The following SDK1 variants were observed in gnomAD, a reference collection of about 807,000 sequenced individuals.
SDK1 encodes sidekick cell adhesion molecule 1.
A neutral mutation model predicts 245.5 loss-of-function variants in SDK1; 157 were observed. That is an observed-to-expected ratio of 0.64 (90% CI 0.56 to 0.73). SDK1 has a LOEUF of 0.73. SDK1 is among the 30% of genes least tolerant of loss of function. The pLI is 0.00. For synonymous variants in SDK1, 1,647 were observed against 1,278.5 expected (o/e 1.29, Z -6.15); for missense variants, 3,583 against 3,002.3 (o/e 1.19, Z -4.52).
At chr7:4,103,013 T>C (rs998750060) in intron 22 of SDK1, among the ~76,000 whole-genome samples, 1 of 151,536 alleles carries the variant, frequency 6.6e-6, no homozygotes, top group African/African-American at 2.4e-5. Context: ...AGAGCTTTTT[T>C]TTTTGGAGAC....
intron 5 of SDK1, among the ~76,000 whole-genome samples, chr7:3,906,865 G>A (rs186274225): frequency 2.8e-3 from 425 of 152,046 alleles, no homozygotes; most frequent in Non-Finnish European, 5.2e-3. Flanking sequence ...CCTGAGCTCA[G>A]GCAATCCGCC....
Position 4,077,339 on chromosome 7 carries a change from T to C in SDK1, c.3202+150T>C. The stretch of plus-strand genomic sequence containing the variant: ...GCCAAGATGCTGGAGGGTAAATGGG[T>C]GTTGACCCCACTTCAGCCCCATTCT... On this transcript the variant is annotated intron_variant, in intron 21 of 44. Transcript: ENST00000404826. 7 of 715,258 alleles carry C rather than the reference T, an allele frequency of 9.8e-6. No homozygotes were observed. The South Asian group carries it at 1.2e-4, about 13-fold the overall frequency. 44.3% of individuals were successfully genotyped at this position (715,258 alleles called of 1,614,324 possible). A position where few individuals can be genotyped will look rare whatever the true frequency, so the allele number is the denominator to read the frequency against.
intron 5 of SDK1, among the ~76,000 whole-genome samples, chr7:3,880,390 C>A (rs1781177633): frequency 6.6e-6 from 1 of 152,128 alleles, no homozygotes; most frequent in Non-Finnish European, 1.5e-5. Flanking sequence ...GGCAACACAG[C>A]GAGAACCAGC....
chr7:3,601,072 C>G (rs762343081), intron 1 of SDK1, among the ~76,000 whole-genome samples: 16 of 152,008 alleles, frequency 1.1e-4, no homozygotes, highest in African/African-American at 1.4e-4. Context: ...CTAGAAGATA[C>G]TCTACTTAGT....
At chr7:3,715,375 G>T (rs769292882) in intron 4 of SDK1, among the ~76,000 whole-genome samples, 1 of 152,136 alleles carries the variant, frequency 6.6e-6, no homozygotes, top group East Asian at 1.9e-4. Context: ...GGTAGGCTAC[G>T]TAGGTTCTTC....
rs73296331 is a variant in SDK1, at chr7:3,382,742, G to C, written c.298+80858G>C. On this transcript the variant is annotated intron_variant, in intron 1 of 44. Transcript: ENST00000404826. ...CGATTAGAAATATTGGCAAAACATA[G>C]AGAAAAATCATTACACATCTAGTGT... 9.3e-3 allele frequency among the ~76,000 whole-genome samples: 1,411 copies of C among 152,200 alleles called. 30 individuals are homozygous for C. The highest frequency in any genetic ancestry group is 0.032 in the African/African-American group (1,328 of 41,522).
At chr7:3,492,201 C>T (rs771251297) in intron 1 of SDK1, among the ~76,000 whole-genome samples, 3 of 152,206 alleles carry the variant, frequency 2.0e-5, no homozygotes, top group Non-Finnish European at 4.4e-5. Context: ...CCTTTCTGTT[C>T]AGTCTTTCTT....
intron 2 of SDK1, among the ~76,000 whole-genome samples, chr7:3,627,551 C>T (rs576663341): frequency 6.6e-6 from 1 of 152,286 alleles, no homozygotes; most frequent in Admixed American, 6.5e-5. Context: ...AGCATCCAGT[C>T]CCAAGTGGCC....
chr7:3,780,150 G>C (rs1456909350), intron 4 of SDK1, among the ~76,000 whole-genome samples: 1 of 152,178 alleles, frequency 6.6e-6, no homozygotes, highest in African/African-American at 2.4e-5. Context: ...TCTGAATTAG[G>C]AGAGTGAGAA....
At chr7:4,195,146 G>T (rs996827772) in intron 35 of SDK1, among the ~76,000 whole-genome samples, 1 of 152,160 alleles carries the variant, frequency 6.6e-6, no homozygotes, top group Non-Finnish European at 1.5e-5. Flanking sequence ...TTACCATGTG[G>T]AATGATTAAA....
intron 1 of SDK1, among the ~76,000 whole-genome samples, chr7:3,500,466 T>G (rs1782161960): frequency 6.6e-6 from 1 of 152,218 alleles, no homozygotes; most frequent in African/African-American, 2.4e-5. Context: ...TTGAAAGTAT[T>G]GCTCCATTGA....
intron 4 of SDK1, among the ~76,000 whole-genome samples, chr7:3,796,268 A>G (rs555329355): frequency 6.6e-6 from 1 of 152,388 alleles, no homozygotes; most frequent in East Asian, 1.9e-4. Context: ...TAAAGCATTT[A>G]TCCTCCGTGT....
At chr7:3,898,802 G>A (rs1781688262) in intron 5 of SDK1, among the ~76,000 whole-genome samples, 1 of 152,176 alleles carries the variant, frequency 6.6e-6, no homozygotes, top group Non-Finnish European at 1.5e-5. Context: ...TTAATAAATA[G>A]ATGGTGATTG....
rs965514363 is a variant in SDK1 at position 4,265,456 on chromosome 7, A to T, written c.*72A>T. 5.8e-6 allele frequency: 8 copies of T among 1,387,044 alleles called. No homozygotes were observed. The African/African-American group carries it at 1.1e-4, about 19-fold the overall frequency. 85.9% of individuals were successfully genotyped at this position (1,387,044 alleles called of 1,614,324 possible). A position where few individuals can be genotyped will look rare whatever the true frequency, so the allele number is the denominator to read the frequency against. On this transcript the variant is annotated 3_prime_UTR_variant, in exon 45 of 45. Coordinates refer to ENST00000404826, the MANE Select transcript of SDK1 (RefSeq NM_152744.4). ...GAGTCTATTTTTGTTAAGACAATCA[A>T]CTCCAATAACTGAGCTGAAGTTTTT...
intron 4 of SDK1, among the ~76,000 whole-genome samples, chr7:3,648,079 T>C (rs528286115): frequency 6.6e-6 from 1 of 152,364 alleles, no homozygotes; most frequent in South Asian, 2.1e-4. Context: ...TTGCTATCTT[T>C]GCATATCAAA....
chr7:3,390,327 T>C (rs1038733076), intron 1 of SDK1, among the ~76,000 whole-genome samples: 1 of 152,186 alleles, frequency 6.6e-6, no homozygotes, highest in Non-Finnish European at 1.5e-5. Context: ...TAAAAGAGTT[T>C]AGCTTTGCTC....
intron 1 of SDK1, among the ~76,000 whole-genome samples, chr7:3,591,344 A>G (rs1451643540): frequency 6.6e-6 from 1 of 152,200 alleles, no homozygotes; most frequent in Non-Finnish European, 1.5e-5. Context: ...AGGGCACAGC[A>G]TGACCTAGCT....
Position 4,116,808 on chromosome 7 carries a change from G to A in SDK1, c.3823+2534G>A, listed in dbSNP as rs186760905. 5.1e-3 allele frequency among the ~76,000 whole-genome samples: 770 copies of A among 152,334 alleles called. 6 individuals are homozygous for A. The highest frequency in any genetic ancestry group is 0.017 in the African/African-American group (691 of 41,578). On this transcript the variant is annotated intron_variant, in intron 25 of 44. Coordinates refer to ENST00000404826, the MANE Select transcript of SDK1 (RefSeq NM_152744.4). ...TGAACCCTGGAGCCCACCAATGAGA[G>A]CCCCGGAAGAGCAGCCGTGGTGACA...
rs866174592 is a variant in SDK1, at chr7:4,267,060, C to G, written c.*1676C>G. 1.3e-5 allele frequency: 13 copies of G among 985,378 alleles called. No individual in the cohort carries two copies. The South Asian group carries it at 5.2e-4, about 39-fold the overall frequency. 61.0% of individuals were successfully genotyped at this position (985,378 alleles called of 1,614,324 possible). ...GTGTGGATATTGCCTGGATTCTGTG[C>G]TGTCAGCGTTGCTGAGTATGGCCCC... On this transcript the variant is annotated 3_prime_UTR_variant, in exon 45 of 45. Transcript: ENST00000404826.
Sources: gnomAD v4.1 joint callset for allele counts (sites outside exome capture counted in the v4.1 genomes callset) on GRCh38, gnomAD v4.1.1 for gene constraint, MANE v1.5 for transcripts, NCBI Gene and HGNC (gene_info 2026-07-23, HGNC 2026-07-21) for gene names.